The following VPS53 variants were observed in gnomAD, a reference collection of about 807,000 sequenced individuals.
The protein encoded by VPS53 is vacuolar protein sorting-associated protein 53 homolog.
Under a neutral mutation model 107.0 loss-of-function variants are expected in VPS53, and 70 were observed. That is an observed-to-expected ratio of 0.65 (90% CI 0.54 to 0.80). The LOEUF is 0.80. Among genes scored for constraint, VPS53 ranks in the 30% least tolerant of loss-of-function variants. The pLI is 0.00. For missense variants in VPS53, 917 were observed against 1,049.4 expected, an observed-to-expected ratio of 0.87 and a Z score of 1.74; for synonymous variants, 409 against 393.3, an observed-to-expected ratio of 1.04 and a Z score of -0.47.
chr17:608,816 T>C (rs1968705860), intron 11 of VPS53, among the ~76,000 whole-genome samples: 1 of 152,040 alleles, frequency 6.6e-6, no homozygotes, highest in Non-Finnish European at 1.5e-5. Context: ...AGGGTCTTCG[T>C]GGCCCAGGCT....
intron 15 of VPS53, among the ~76,000 whole-genome samples, chr17:555,390 T>C (rs766793503): frequency 6.6e-6 from 1 of 152,200 alleles, no homozygotes; most frequent in African/African-American, 2.4e-5. Context: ...CTCCTCACTT[T>C]TTGGCCACAT....
rs559169448 is a variant in VPS53, at chr17:575,547, G to T, written c.1313+10723C>A. Reference sequence around the variant, plus strand: ...CCTCAGAACCTAATGTGTTCCCAGAGAATCTCCCTCAGAACCTAATGCGTT... The same window carrying T: ...CCTCAGAACCTAATGTGTTCCCAGATAATCTCCCTCAGAACCTAATGCGTT... On this transcript the variant is annotated intron_variant, in intron 13 of 21. Transcript: ENST00000437048. 4.1e-4 allele frequency among the ~76,000 whole-genome samples: 62 copies of T among 151,034 alleles called. 1 individual carries two copies. In the South Asian group the frequency reaches 7.1e-3, roughly 17 times the overall value.
chr17:685,825 C>A (rs978003534), intron 4 of VPS53, among the ~76,000 whole-genome samples: 3 of 151,980 alleles, frequency 2.0e-5, no homozygotes, highest in African/African-American at 4.8e-5. Context: ...TAAAGGAACA[C>A]CCCATCACTA....
rs568228028 is a variant in VPS53 at position 683,067 on chromosome 17, G to A, written c.285+14351C>T. Among the ~76,000 whole-genome samples the A allele has an allele frequency of 3.3e-5, 5 of 152,270 alleles. No homozygotes were observed. In the South Asian group the frequency reaches 1.0e-3, roughly 32 times the overall value. ...ATCACACTCGACACAGCAAAAAAAGGATTGGTGAACTTTAAGGTGGGTCAA... is the reference window on the plus strand; with the variant it reads ...ATCACACTCGACACAGCAAAAAAAGAATTGGTGAACTTTAAGGTGGGTCAA... On this transcript the variant is annotated intron_variant, in intron 4 of 21. Transcript: ENST00000437048.
chr17:559,338 T>C (rs1228409717), intron 15 of VPS53, among the ~76,000 whole-genome samples: 1 of 152,230 alleles, frequency 6.6e-6, no homozygotes, highest in Non-Finnish European at 1.5e-5. Flanking sequence ...ACATGTATCG[T>C]ATTTCTTTCT....
chr17:615,443 A>G (rs1186994709), intron 11 of VPS53, among the ~76,000 whole-genome samples: 1 of 152,056 alleles, frequency 6.6e-6, no homozygotes, highest in East Asian at 1.9e-4. Context: ...GCTCATCCTC[A>G]CTGTTTCACT....
chr17:617,375 C>T (rs1014620191), intron 11 of VPS53, among the ~76,000 whole-genome samples: 2 of 152,220 alleles, frequency 1.3e-5, no homozygotes, highest in Non-Finnish European at 2.9e-5. Flanking sequence ...CTCAGGATTC[C>T]TTCAGTGGGA....
At chr17:689,096 T>A (rs1972690753) in intron 4 of VPS53, among the ~76,000 whole-genome samples, 2 of 152,188 alleles carry the variant, frequency 1.3e-5, no homozygotes, top group African/African-American at 4.8e-5. Context: ...CTATTTGTGG[T>A]CCCTTTAATA....
At chr17:662,393 T>C (rs1377771388) in intron 4 of VPS53, among the ~76,000 whole-genome samples, 2 of 152,070 alleles carry the variant, frequency 1.3e-5, no homozygotes, top group Non-Finnish European at 2.9e-5. Context: ...GAAATGCACT[T>C]AGAAAGGAAC....
At chr17:645,269 C>T (rs998235544) in intron 7 of VPS53, among the ~76,000 whole-genome samples, 10 of 152,176 alleles carry the variant, frequency 6.6e-5, no homozygotes, top group African/African-American at 2.4e-4. Context: ...CTAACGGGGG[C>T]ATCTTTTCAT....
intron 19 of VPS53, among the ~76,000 whole-genome samples, chr17:529,847 G>A (rs973929239): frequency 5.3e-5 from 8 of 150,718 alleles, no homozygotes; most frequent in Admixed American, 4.0e-4. Flanking sequence ...GGGAGACACA[G>A]GGAGGCAGAC....
chr17:511,427 T>C lies in VPS53; in HGVS notation c.*7701A>G, dbSNP rs1055922931. ...AGGCAAGACAATTGTGCAAATTCCA[T>C]TTGATGACTGAGCAGAAGCTCCCAG... On this transcript the variant is annotated 3_prime_UTR_variant, in exon 22 of 22. Coordinates refer to ENST00000437048, the MANE Select transcript of VPS53 (RefSeq NM_001128159.3). The C allele has an allele frequency of 1.3e-5, 2 of 152,202 alleles. No individual in the cohort carries two copies. Among genetic ancestry groups the C allele is most frequent in the Admixed American group, 1.3e-4 (2 of 15,280 alleles). The allele number at this position is 152,202 out of a possible 1,614,324, so 9.4% of individuals were successfully genotyped here.
At chr17:526,378 T>C (rs1209068656) in intron 19 of VPS53, among the ~76,000 whole-genome samples, 1 of 152,216 alleles carries the variant, frequency 6.6e-6, no homozygotes, top group Non-Finnish European at 1.5e-5. Context: ...GTGTCCCTCA[T>C]ATACAGGGAG....
chr17:714,259 G>C, intron 1 of VPS53: 1 of 243,816 alleles, frequency 4.1e-6, no homozygotes, highest in Non-Finnish European at 7.9e-6. Context: ...GTGCCAGCTT[G>C]CAAAACCGGG....
At chr17:707,050 G>A (rs954064847) in intron 2 of VPS53, among the ~76,000 whole-genome samples, 2 of 152,212 alleles carry the variant, frequency 1.3e-5, no homozygotes, top group Non-Finnish European at 2.9e-5. Context: ...AGCAGGGTGC[G>A]AACGTCCCCA....
At chr17:642,662 G>GCGAGGACAACACTCATACTTGGCAAC (rs1970475923) in intron 7 of VPS53, among the ~76,000 whole-genome samples, 1 of 129,202 alleles carries the variant, frequency 7.7e-6, no homozygotes, top group Non-Finnish European at 1.6e-5. Context: ...TACTTGGAAA[G>GCGAGGACAACACTCATACTTGGCAAC]CGAGGACAAC....
intron 15 of VPS53, among the ~76,000 whole-genome samples, chr17:558,561 CA>C (rs1239664046): frequency 6.6e-6 from 1 of 151,996 alleles, no homozygotes; most frequent in African/African-American, 2.4e-5. Flanking sequence ...GAGAACCCGG[CA>C]GGGGGAGCTT....
intron 13 of VPS53, among the ~76,000 whole-genome samples, chr17:563,287 C>CTTTTTTTTTTTT (rs36076034): frequency 9.7e-6 from 1 of 103,300 alleles, no homozygotes. Context: ...ACTTCATTTC[C>CTTTTTTTTTTTT]TTTTTTTTTT....
rs567473644 is a variant in VPS53 at position 605,855 on chromosome 17, G to C, written c.1117-3959C>G. ...CGGGAGCCCCATCACGCAGCCTTTT[G>C]TGGGCCATGGTAAGGGTCGGTTTTC... is the stretch of plus-strand genomic sequence containing the variant. On this transcript the variant is annotated intron_variant, in intron 11 of 21. Transcript: ENST00000437048. Among the ~76,000 whole-genome samples, 51 of 152,224 alleles carry C rather than the reference G, an allele frequency of 3.4e-4. 1 individual carries two copies. The South Asian group carries it at 4.1e-3, about 12-fold the overall frequency.
Sources: allele counts gnomAD v4.1 joint callset (sites outside exome capture counted in the v4.1 genomes callset), GRCh38; gene constraint gnomAD v4.1.1; transcripts MANE v1.5; gene names NCBI Gene and HGNC (gene_info 2026-07-23, HGNC 2026-07-21).